Variants in AAMDC observed in about 807,000 individuals in gnomAD.
The protein encoded by AAMDC is mth938 domain-containing protein.
AAMDC carries 16 observed loss-of-function variants against 15.5 expected under a neutral mutation model. That is an observed-to-expected ratio of 1.03 (90% confidence interval 0.70 to 1.57). The LOEUF (loss-of-function observed/expected upper bound fraction) is 1.57. Among genes scored for constraint, AAMDC ranks in the 40% most tolerant of loss-of-function variants. AAMDC has a pLI of 0.00. For synonymous variants in AAMDC, 51 were observed against 51.6 expected (o/e 0.99, Z 0.05); for missense variants, 141 against 144.9 (o/e 0.97, Z 0.14).
intron 5 of AAMDC, chr11:77,894,220 C>T: frequency 1.3e-6 from 1 of 764,098 alleles, no homozygotes; most frequent in South Asian, 1.6e-5. Context: ...GTGATTGTTC[C>T]TATTGCCTGC....
chr11:77,872,180 T>TTCA lies in AAMDC; in HGVS notation c.238_240dup (p.Ser80dup). On this transcript the variant is annotated inframe_insertion, in exon 4 of 4. Coordinates refer to ENST00000393427, the MANE Select transcript of AAMDC (RefSeq NM_024684.4). ...TCTCTTTTCCACCTTCCCAGGTGCC[T>TTCA]TCATCAACTGTGGAGTACCTCAAGA... The TTCA allele has an allele frequency of 1.2e-6, 2 of 1,612,726 alleles. No homozygotes were observed. Among genetic ancestry groups the TTCA allele is most frequent in the Non-Finnish European group, 1.7e-6 (2 of 1,179,470 alleles).
At chr11:77,871,701 C>A (rs139251806) in intron 3 of AAMDC, among the ~76,000 whole-genome samples, 4 of 152,074 alleles carry the variant, frequency 2.6e-5, no homozygotes, top group Non-Finnish European at 2.9e-5. Context: ...AGCTAGCATG[C>A]GGCAAAGAAG....
intron 2 of AAMDC, among the ~76,000 whole-genome samples, chr11:77,856,403 A>G (rs1229571344): frequency 6.6e-6 from 1 of 152,070 alleles, no homozygotes; most frequent in Non-Finnish European, 1.5e-5. Context: ...AGCCCTTCAA[A>G]CTATTCCACC....
intron 5 of AAMDC, among the ~76,000 whole-genome samples, chr11:77,879,831 G>A (rs990702382): frequency 6.6e-6 from 1 of 152,164 alleles, no homozygotes; most frequent in African/African-American, 2.4e-5. Flanking sequence ...TACTGAGGAG[G>A]AGCGCAGGAA....
intron 5 of AAMDC, chr11:77,891,764 T>A (rs148229876): frequency 1.9e-6 from 3 of 1,611,994 alleles, no homozygotes; most frequent in Non-Finnish European, 2.5e-6. Flanking sequence ...GGTTTGGATG[T>A]CATGAGTCGG....
At chr11:77,832,601 C>T (rs1274228976) in intron 1 of AAMDC, among the ~76,000 whole-genome samples, 2 of 151,988 alleles carry the variant, frequency 1.3e-5, no homozygotes, top group South Asian at 2.1e-4. Context: ...ACTGGGATTA[C>T]AGGCATGAGC....
At chr11:77,850,997 C>T (rs1950357185) in intron 2 of AAMDC, 1 of 140,616 alleles carries the variant, frequency 7.1e-6, no homozygotes, top group South Asian at 2.2e-4. Context: ...GCTCTGTGGC[C>T]CAGGCTGGAG....
intron 5 of AAMDC, among the ~76,000 whole-genome samples, chr11:77,889,518 C>T (rs1347387004): frequency 2.6e-5 from 4 of 151,948 alleles, no homozygotes; most frequent in Non-Finnish European, 4.4e-5. Flanking sequence ...GCACATTGTG[C>T]ACATGTACCC....
At chr11:77,883,834 G>T in intron 5 of AAMDC, 1 of 1,612,838 alleles carries the variant, frequency 6.2e-7, no homozygotes, top group Non-Finnish European at 8.5e-7. Flanking sequence ...CTCCTTACCT[G>T]TCCAAGCGGT....
At chr11:77,843,698 A>T (rs770736903) in intron 2 of AAMDC, among the ~76,000 whole-genome samples, 1 of 152,186 alleles carries the variant, frequency 6.6e-6, no homozygotes, top group Non-Finnish European at 1.5e-5. Flanking sequence ...CTGGAGACTG[A>T]AAGTGTGAGA....
At chr11:77,884,416 T>C (rs1294416855) in intron 5 of AAMDC, among the ~76,000 whole-genome samples, 1 of 152,162 alleles carries the variant, frequency 6.6e-6, no homozygotes, top group Non-Finnish European at 1.5e-5. Context: ...GACGGCTCAA[T>C]GAAGAGTCCA....
intron 2 of AAMDC, among the ~76,000 whole-genome samples, chr11:77,868,496 C>G (rs1012263268): frequency 6.6e-6 from 1 of 151,178 alleles, no homozygotes; most frequent in Non-Finnish European, 1.5e-5. Flanking sequence ...ATAGCTGGGA[C>G]TACAGGCACG....
At chr11:77,828,082 G>A (rs945457942) in intron 1 of AAMDC, among the ~76,000 whole-genome samples, 1 of 152,132 alleles carries the variant, frequency 6.6e-6, no homozygotes, top group Middle Eastern at 3.4e-3. Flanking sequence ...ATACCAGCCT[G>A]GCCAACATGG....
At chr11:77,893,888 G>A (rs1952388256) in intron 5 of AAMDC, among the ~76,000 whole-genome samples, 1 of 23,602 alleles carries the variant, frequency 4.2e-5, no homozygotes, top group Non-Finnish European at 8.6e-5. Context: ...GCAAGACTCT[G>A]TCTTAAATAA....
At chr11:77,879,078 A>G (rs1565218100) in intron 5 of AAMDC, 1 of 1,614,204 alleles carries the variant, frequency 6.2e-7, no homozygotes, top group East Asian at 2.2e-5. Flanking sequence ...TTGGAATGCG[A>G]GCACTGGAGT....
At chr11:77,903,461 G>C, downstream of AAMDC, 1 of 1,606,458 alleles carries the variant, frequency 6.2e-7, no homozygotes, top group Non-Finnish European at 8.5e-7. Flanking sequence ...CAGAGCTATA[G>C]GAAGGCCTCT....
chr11:77,857,973 C>T lies in AAMDC; in HGVS notation c.133-11749C>T, dbSNP rs1005566578. Among the ~76,000 whole-genome samples the T allele has an allele frequency of 6.6e-5, 10 of 152,214 alleles. No individual in the cohort carries two copies. In the East Asian group the frequency reaches 1.7e-3, roughly 26 times the overall value. ...GCCCCCAAAGTGCTGGGATTACAGG[C>T]GTGAGCCAACGTGCCCGGCCATCAT... On this transcript the variant is annotated intron_variant, in intron 2 of 3. Coordinates refer to ENST00000393427, the MANE Select transcript of AAMDC (RefSeq NM_024684.4).
At chr11:77,867,029 CAA>C (rs1205137834) in intron 2 of AAMDC, among the ~76,000 whole-genome samples, 1 of 152,062 alleles carries the variant, frequency 6.6e-6, no homozygotes, top group African/African-American at 2.4e-5. Context: ...TTAGTAGAGA[CAA>C]AGTTTCACCA....
At chr11:77,870,329 ATTTTTTTTT>A (rs965312288) in intron 3 of AAMDC, among the ~76,000 whole-genome samples, 1 of 87,988 alleles carries the variant, frequency 1.1e-5, no homozygotes, top group Middle Eastern at 7.2e-3. Context: ...CTATTTTTTA[ATTTTTTTTT>A]TTTTTTTTTT....
Sources: allele counts gnomAD v4.1 joint callset (sites outside exome capture counted in the v4.1 genomes callset), GRCh38; gene constraint gnomAD v4.1.1; transcripts MANE v1.5; gene names NCBI Gene and HGNC (gene_info 2026-07-23, HGNC 2026-07-21).